IL1RAPL2: variants seen among roughly 807,000 people sequenced by gnomAD.
IL1RAPL2 encodes the protein X-linked interleukin-1 receptor accessory protein-like 2.
Under a neutral mutation model 44.1 loss-of-function variants are expected in IL1RAPL2, and 3 were observed. That is an observed-to-expected ratio of 0.07 (90% CI 0.03 to 0.18). The LOEUF (loss-of-function observed/expected upper bound fraction) is 0.18, where lower values mean the gene tolerates loss of function less well. IL1RAPL2 is among the 10% of genes least tolerant of loss of function. The probability of loss-of-function intolerance (pLI) is 1.00; values close to 1 mark genes in which losing one functional copy is unlikely to be tolerated. For synonymous variants in IL1RAPL2, 181 were observed against 178.8 expected, an observed-to-expected ratio of 1.01 and a Z score of -0.10; for missense variants, 391 against 496.4, an observed-to-expected ratio of 0.79 and a Z score of 2.02.
chrX:104,789,623 T>C (rs1458298407), intron 2 of IL1RAPL2, among the ~76,000 whole-genome samples: 1 of 112,324 alleles, frequency 8.9e-6, no homozygotes, highest in Non-Finnish European at 1.9e-5. Context: ...TATTATTTGC[T>C]AAATATCCAA....
At chrX:105,099,491 G>A (rs1256811403) in intron 2 of IL1RAPL2, among the ~76,000 whole-genome samples, 4 of 80,831 alleles carry the variant, frequency 4.9e-5, no homozygotes, top group African/African-American at 1.4e-4. Flanking sequence ...TTGAGATGGA[G>A]TCTCGCTCTG....
intron 1 of IL1RAPL2, among the ~76,000 whole-genome samples, chrX:104,599,390 C>T (rs1276266875): frequency 7.3e-5 from 8 of 109,261 alleles, no homozygotes; most frequent in Non-Finnish European, 1.3e-4. Flanking sequence ...TGAGACTATA[C>T]GTGCATGCCA....
intron 5 of IL1RAPL2, among the ~76,000 whole-genome samples, chrX:105,483,449 T>A (rs977418056): frequency 1.8e-5 from 2 of 111,794 alleles, no homozygotes; most frequent in Non-Finnish European, 3.8e-5. Flanking sequence ...GATAATCTTT[T>A]GAAAATCTTT....
chrX:105,178,135 T>C lies in IL1RAPL2; in HGVS notation c.83-17340T>C, dbSNP rs1279907950. 3.6e-5 allele frequency among the ~76,000 whole-genome samples: 4 copies of C among 111,541 alleles called. No homozygotes were observed. The Admixed American group carries it at 3.8e-4, about 11-fold the overall frequency. ...AACCAATCTCTCACCTCGCCCCACA[T>C]ACACCCTTCCCCAACTCTGGTAACT... On this transcript the variant is annotated intron_variant, in intron 2 of 10. Transcript: ENST00000372582.
intron 1 of IL1RAPL2, among the ~76,000 whole-genome samples, chrX:104,651,770 G>GA (rs1930157457): frequency 1.8e-5 from 2 of 111,591 alleles, no homozygotes; most frequent in African/African-American, 6.5e-5. Flanking sequence ...AGAGGAGCTA[G>GA]AATGGGCACG....
intron 1 of IL1RAPL2, among the ~76,000 whole-genome samples, chrX:104,582,618 TTCTTTCTTTCTTTCTTTCTTTC>T (rs1928389723): frequency 1.3e-5 from 1 of 78,661 alleles, no homozygotes; most frequent in Non-Finnish European, 2.4e-5. Flanking sequence ...CTTTCTTTCT[TTCTTTCTTTCTTTCTTTCTTTC>T]TCTCTTTCTT....
chrX:104,945,330 A>G (rs766207589), intron 2 of IL1RAPL2, among the ~76,000 whole-genome samples: 3 of 111,131 alleles, frequency 2.7e-5, no homozygotes, highest in Non-Finnish European at 3.8e-5. Context: ...TTGGTTTGAG[A>G]GTGTTCACGT....
intron 2 of IL1RAPL2, among the ~76,000 whole-genome samples, chrX:105,147,579 G>A (rs1190737752): frequency 9.0e-6 from 1 of 111,717 alleles, no homozygotes; most frequent in African/African-American, 3.3e-5. Flanking sequence ...CATATACATG[G>A]AATCATATAT....
intron 6 of IL1RAPL2, among the ~76,000 whole-genome samples, chrX:105,650,341 C>T (rs111236962): frequency 2.6e-4 from 29 of 111,704 alleles, no homozygotes; most frequent in African/African-American, 8.5e-4. Flanking sequence ...TAATGGAGGA[C>T]GATGGCACTT....
At chrX:105,036,343 T>C (rs1189299413) in intron 2 of IL1RAPL2, among the ~76,000 whole-genome samples, 1 of 111,618 alleles carries the variant, frequency 9.0e-6, no homozygotes, top group East Asian at 2.8e-4. Flanking sequence ...AGCTAGTTAA[T>C]AGCAATGTAG....
At chrX:105,512,126 A>G (rs2036474940) in intron 6 of IL1RAPL2, among the ~76,000 whole-genome samples, 2 of 111,222 alleles carry the variant, frequency 1.8e-5, no homozygotes, top group African/African-American at 6.5e-5. Flanking sequence ...TGGGTGAAAA[A>G]CTGTCACAAG....
chrX:105,057,722 C>T (rs763126109), intron 2 of IL1RAPL2, among the ~76,000 whole-genome samples: 49 of 110,821 alleles, frequency 4.4e-4, no homozygotes, highest in South Asian at 7.7e-4. Context: ...TAATAAATGA[C>T]AAATAAACAA....
chrX:105,128,965 A>G (rs2033001930), intron 2 of IL1RAPL2, among the ~76,000 whole-genome samples: 1 of 111,202 alleles, frequency 9.0e-6, no homozygotes, highest in Non-Finnish European at 1.9e-5. Flanking sequence ...GCCTTAATTA[A>G]CTTTTCTGTT....
chrX:104,695,002 G>A (rs1931153308), intron 2 of IL1RAPL2, among the ~76,000 whole-genome samples: 1 of 112,194 alleles, frequency 8.9e-6, no homozygotes, highest in African/African-American at 3.2e-5. Flanking sequence ...ATAATGTCCA[G>A]CCTCAGCTGG....
chrX:105,689,511 C>G (rs779888209), intron 6 of IL1RAPL2, among the ~76,000 whole-genome samples: 1 of 112,291 alleles, frequency 8.9e-6, no homozygotes, highest in Admixed American at 9.4e-5. Context: ...ATCAAAACCA[C>G]AGTGAGGTAC....
At chrX:105,108,540 C>T (rs1450364532) in intron 2 of IL1RAPL2, among the ~76,000 whole-genome samples, 1 of 92,497 alleles carries the variant, frequency 1.1e-5, no homozygotes, top group Non-Finnish European at 2.1e-5. Flanking sequence ...CAGGTTTCAC[C>T]ATATTGCCCA....
At chrX:105,066,389 C>T (rs1258933712) in intron 2 of IL1RAPL2, among the ~76,000 whole-genome samples, 4 of 111,707 alleles carry the variant, frequency 3.6e-5, no homozygotes, top group Admixed American at 1.9e-4. Flanking sequence ...GTAGTACCAA[C>T]TGTGATAGTG....
rs751793352 is a variant in IL1RAPL2, at chrX:104,652,560, T to G, written c.-19-6335T>G. On this transcript the variant is annotated intron_variant, in intron 1 of 10. Transcript: ENST00000372582. ...GTGGCTGCCCTCATGAAGTTTACATTCTAGTGGGCAAGGAGTAGGCAAAGA... is the reference window on the plus strand; with the variant it reads ...GTGGCTGCCCTCATGAAGTTTACATGCTAGTGGGCAAGGAGTAGGCAAAGA... Among the ~76,000 whole-genome samples, 10 of 111,976 alleles carry G rather than the reference T, an allele frequency of 8.9e-5. No individual in the cohort carries two copies. The East Asian group carries it at 2.8e-3, about 32-fold the overall frequency.
chrX:105,308,124 C>A (rs897569952), intron 5 of IL1RAPL2, among the ~76,000 whole-genome samples: 5 of 111,197 alleles, frequency 4.5e-5, no homozygotes, highest in African/African-American at 1.6e-4. Flanking sequence ...ACTCATACCT[C>A]CAGTTTCAAT....
Sources: allele counts gnomAD v4.1 joint callset (sites outside exome capture counted in the v4.1 genomes callset), GRCh38; gene constraint gnomAD v4.1.1; transcripts MANE v1.5; gene names NCBI Gene and HGNC (gene_info 2026-07-23, HGNC 2026-07-21).